The following SEMA3C variants were observed in gnomAD, a reference collection of about 807,000 sequenced individuals.
SEMA3C encodes the protein semaphorin 3C.
A neutral mutation model predicts 89.4 loss-of-function variants in SEMA3C; 47 were observed. The ratio of observed to expected loss-of-function variants is 0.53; its 90% CI spans 0.42 to 0.67. The LOEUF is 0.67. Among genes scored for constraint, SEMA3C ranks in the 30% least tolerant of loss-of-function variants. The pLI is 0.00. For synonymous variants in SEMA3C, 310 were observed against 320.2 expected (o/e 0.97, Z 0.34); for missense variants, 839 against 929.1 (o/e 0.90, Z 1.26).
chr7:80,783,872 G>A (rs1788743332), intron 12 of SEMA3C, among the ~76,000 whole-genome samples: 1 of 152,160 alleles, frequency 6.6e-6, no homozygotes, highest in Non-Finnish European at 1.5e-5. Context: ...TTAAACGGAA[G>A]CTAATAAGAA....
chr7:80,765,207 G>C lies in SEMA3C; in HGVS notation c.1391C>G (p.Thr464Ser), dbSNP rs753011235. 6 of 1,613,698 alleles carry C rather than the reference G, an allele frequency of 3.7e-6. No individual in the cohort carries two copies. The highest frequency in any genetic ancestry group is 1.1e-5 in the South Asian group (1 of 91,050). ...GTVQKVVVLP[T>S]NNSVSGELIL... ...GAGCTCGCCACTGACAGAGTTGTTA[G>C]TAGGAAGAACAACCACTTTTTGCAC... is the stretch of plus-strand genomic sequence containing the variant. Residue 464 changes from threonine to serine, a missense_variant, in exon 13 of 18, where the codon ACT becomes AGT. By Grantham distance (58) the Thr-to-Ser change is moderately conservative. Transcript: ENST00000265361.
At chr7:80,761,428 C>A (rs1279510393) in intron 14 of SEMA3C, among the ~76,000 whole-genome samples, 188 bp downstream of exon 14, 1 of 152,100 alleles carries the variant, frequency 6.6e-6, no homozygotes, top group Non-Finnish European at 1.5e-5. Context: ...AAAAATAAAC[C>A]TATTCGGTCT....
intron 12 of SEMA3C, among the ~76,000 whole-genome samples, chr7:80,768,067 A>G (rs1788343078): frequency 6.6e-6 from 1 of 152,252 alleles, no homozygotes. Flanking sequence ...TAAGCACATA[A>G]TCTTAGAAGT....
chr7:80,754,679 C>T (rs762131108), intron 15 of SEMA3C, among the ~76,000 whole-genome samples: 14 of 152,036 alleles, frequency 9.2e-5, no homozygotes, highest in African/African-American at 2.7e-4. Flanking sequence ...AAGATAAATA[C>T]GGGTAGGCTC....
intron 14 of SEMA3C, among the ~76,000 whole-genome samples, chr7:80,759,067 G>A (rs190389448): frequency 3.3e-5 from 5 of 152,122 alleles, no homozygotes; most frequent in Non-Finnish European, 5.9e-5. Flanking sequence ...ATATTTAAAC[G>A]TCTTAAAATT....
intron 5 of SEMA3C, among the ~76,000 whole-genome samples, chr7:80,814,102 T>TA (rs1789540894): frequency 2.0e-5 from 3 of 151,390 alleles, no homozygotes; most frequent in East Asian, 1.9e-4. Flanking sequence ...TTTTTTTTTT[T>TA]ATTTAAGACA....
At chr7:80,769,814 G>A (rs576348124) in intron 12 of SEMA3C, among the ~76,000 whole-genome samples, 43 of 130,962 alleles carry the variant, frequency 3.3e-4, no homozygotes, top group African/African-American at 1.2e-3. Context: ...AGCTGAGATA[G>A]TGTCACTGCA....
intron 15 of SEMA3C, among the ~76,000 whole-genome samples, chr7:80,755,989 A>C (rs572220722): frequency 1.3e-5 from 2 of 151,996 alleles, no homozygotes; most frequent in African/African-American, 4.8e-5. Flanking sequence ...CATCTACGAG[A>C]CTCCTGGTTT....
chr7:80,873,671 T>G (rs1005635041), intron 2 of SEMA3C, among the ~76,000 whole-genome samples: 3 of 152,226 alleles, frequency 2.0e-5, no homozygotes, highest in African/African-American at 7.2e-5. Context: ...CTATCCTCAC[T>G]GCACAAACTT....
intron 12 of SEMA3C, among the ~76,000 whole-genome samples, chr7:80,772,708 T>G (rs568399877): frequency 2.0e-5 from 3 of 151,950 alleles, no homozygotes; most frequent in South Asian, 2.1e-4. Flanking sequence ...GTTTTTTTTT[T>G]TGTTTGTTTT....
At chr7:80,761,906 T>C (rs1011870739) in intron 13 of SEMA3C, among the ~76,000 whole-genome samples, 18 of 151,892 alleles carry the variant, frequency 1.2e-4, no homozygotes, top group African/African-American at 4.1e-4. Flanking sequence ...CTCGCCAACA[T>C]GGTGAAACCC....
chr7:80,878,706 T>C (rs1183112860), intron 2 of SEMA3C, among the ~76,000 whole-genome samples: 1 of 152,012 alleles, frequency 6.6e-6, no homozygotes, highest in Non-Finnish European at 1.5e-5. Flanking sequence ...TTCTTGCATA[T>C]AAAAATATTG....
chr7:80,872,241 C>T (rs1448933881), intron 2 of SEMA3C, among the ~76,000 whole-genome samples: 2 of 152,096 alleles, frequency 1.3e-5, no homozygotes, highest in African/African-American at 4.8e-5. Flanking sequence ...ACCTCCGCCT[C>T]CCAGGTTCAA....
chr7:80,791,274 T>C (rs1788934246), intron 11 of SEMA3C, among the ~76,000 whole-genome samples: 3 of 152,152 alleles, frequency 2.0e-5, no homozygotes, highest in Admixed American at 1.3e-4. Flanking sequence ...CACTCACTAA[T>C]TGGATCTGAG....
chr7:80,854,020 T>C (rs1790578103), intron 2 of SEMA3C, among the ~76,000 whole-genome samples: 1 of 152,118 alleles, frequency 6.6e-6, no homozygotes, highest in South Asian at 2.1e-4. Flanking sequence ...AACAAAGTTA[T>C]TGTTATAAGC....
intron 2 of SEMA3C, among the ~76,000 whole-genome samples, chr7:80,889,155 G>A (rs183794622): frequency 9.2e-5 from 14 of 152,234 alleles, no homozygotes; most frequent in African/African-American, 2.6e-4. Context: ...AAGCCACCAC[G>A]CTCGGCCATG....
Position 80,744,770 on chromosome 7 carries a change from A to T in SEMA3C, c.*124T>A. 2 of 1,058,770 alleles carry T rather than the reference A, an allele frequency of 1.9e-6. No individual in the cohort carries two copies. The highest frequency in any genetic ancestry group is 2.4e-5 in the East Asian group (1 of 41,740). The allele number at this position is 1,058,770 out of a possible 1,614,324, so 65.6% of individuals were successfully genotyped here. A position where few individuals can be genotyped will look rare whatever the true frequency, so the allele number is the denominator to read the frequency against. ...GCTCATTTCAGTTCGTGTAAAACTC[A>T]CTTCAGGAGTAATCACCTTTTTCAG... is the stretch of plus-strand genomic sequence containing the variant. On this transcript the variant is annotated 3_prime_UTR_variant, in exon 18 of 18. Coordinates refer to ENST00000265361, the MANE Select transcript of SEMA3C (RefSeq NM_006379.5).
intron 2 of SEMA3C, among the ~76,000 whole-genome samples, chr7:80,844,761 C>CTG (rs1331127718): frequency 6.6e-6 from 1 of 152,126 alleles, no homozygotes; most frequent in Non-Finnish European, 1.5e-5. Context: ...TCTAGAACTA[C>CTG]TGCCCTTTCC....
At chr7:80,777,225 G>A (rs531423262) in intron 12 of SEMA3C, among the ~76,000 whole-genome samples, 102 of 152,078 alleles carry the variant, frequency 6.7e-4, no homozygotes, top group Non-Finnish European at 1.3e-3. Context: ...AAACTTGAAT[G>A]CTAAAATATA....
Sources: allele counts gnomAD v4.1 joint callset (sites outside exome capture counted in the v4.1 genomes callset), GRCh38; gene constraint gnomAD v4.1.1; transcripts MANE v1.5; gene names NCBI Gene and HGNC (gene_info 2026-07-23, HGNC 2026-07-21).